Variants in AGBL1 observed in about 807,000 individuals in gnomAD.
AGBL1 encodes the protein cytosolic carboxypeptidase 4.
A neutral mutation model predicts 118.9 loss-of-function variants in AGBL1; 130 were observed. The observed-to-expected ratio is 1.09, with a 90% CI of 0.95 to 1.26. The LOEUF (loss-of-function observed/expected upper bound fraction) is 1.26. Ranked by LOEUF, AGBL1 falls within the 50% of genes most tolerant of loss-of-function variation. The pLI is 0.00. For synonymous variants in AGBL1, 555 were observed against 478.9 expected (o/e 1.16, Z -2.08); for missense variants, 1,584 against 1,298.1 (o/e 1.22, Z -3.38).
chr15:86,469,114 A>C lies in AGBL1; in HGVS notation c.2556-53696A>C, dbSNP rs2082444378. Among the ~76,000 whole-genome samples the C allele has an allele frequency of 2.0e-5, 3 of 152,094 alleles. No homozygotes were observed. The South Asian group carries it at 6.2e-4, about 32-fold the overall frequency. On this transcript the variant is annotated intron_variant, in intron 18 of 22. Coordinates refer to ENST00000614907, the MANE Select transcript of AGBL1 (RefSeq NM_001386094.1). ...AGAATATTCAAGATCTCTGATAGCA[A>C]TTTTCAAGTATAAAATACATTATTA...
At chr15:86,241,961 T>C (rs1440904843) in intron 6 of AGBL1, among the ~76,000 whole-genome samples, 1 of 152,140 alleles carries the variant, frequency 6.6e-6, no homozygotes, top group Admixed American at 6.5e-5. Flanking sequence ...AGGGACCCAG[T>C]GGGAGGTAGT....
rs189436475 is a variant in AGBL1 at position 86,290,812 on chromosome 15, G to T, written c.2221-4443G>T. ...CCATTAACTCGTCATTTAGCATTAG[G>T]TATATCTCCTAATGCCATCCCTCCC... On this transcript the variant is annotated intron_variant, in intron 16 of 22. Transcript: ENST00000614907. Among the ~76,000 whole-genome samples the T allele has an allele frequency of 5.1e-3, 775 of 151,860 alleles. 14 individuals carry two copies. The highest frequency in any genetic ancestry group is 3.4e-3 in the Middle Eastern group (1 of 294).
chr15:86,797,142 T>A (rs1038570613), intron 22 of AGBL1, among the ~76,000 whole-genome samples: 7 of 152,234 alleles, frequency 4.6e-5, no homozygotes, highest in Non-Finnish European at 8.8e-5. Flanking sequence ...CATGGGATAT[T>A]TGTAGCACCT....
intron 22 of AGBL1, among the ~76,000 whole-genome samples, chr15:86,894,755 T>C (rs2080098809): frequency 6.6e-6 from 1 of 152,086 alleles, no homozygotes; most frequent in South Asian, 2.1e-4. Flanking sequence ...TTAAACAAAA[T>C]AGAAGTATCT....
At chr15:86,521,436 C>T (rs1002835738) in intron 18 of AGBL1, among the ~76,000 whole-genome samples, 5 of 151,998 alleles carry the variant, frequency 3.3e-5, no homozygotes, top group Non-Finnish European at 7.4e-5. Flanking sequence ...CTGTCCCTGC[C>T]CCCAGGAGGC....
At chr15:86,582,875 G>A (rs528876329) in intron 21 of AGBL1, among the ~76,000 whole-genome samples, 4 of 140,902 alleles carry the variant, frequency 2.8e-5, no homozygotes, top group East Asian at 4.7e-4. Flanking sequence ...GTTGGGGGAG[G>A]GGGGAGGGAT....
At chr15:86,304,327 T>C (rs2079803187) in intron 17 of AGBL1, among the ~76,000 whole-genome samples, 1 of 152,142 alleles carries the variant, frequency 6.6e-6, no homozygotes, top group Admixed American at 6.5e-5. Context: ...CAACACTTTT[T>C]CTCCATAGCT....
intron 17 of AGBL1, among the ~76,000 whole-genome samples, chr15:86,364,342 A>T (rs2080847865): frequency 6.6e-6 from 1 of 152,214 alleles, no homozygotes; most frequent in Admixed American, 6.5e-5. Context: ...TGAAGTAGGT[A>T]CTGTTATTAT....
chr15:86,736,794 G>A (rs1296896906), intron 22 of AGBL1, among the ~76,000 whole-genome samples: 1 of 152,162 alleles, frequency 6.6e-6, no homozygotes, highest in Non-Finnish European at 1.5e-5. Flanking sequence ...TTTTAGACAT[G>A]CTTATGAGGG....
At chr15:86,473,780 G>C (rs1294354152) in intron 18 of AGBL1, among the ~76,000 whole-genome samples, 2 of 152,096 alleles carry the variant, frequency 1.3e-5, no homozygotes, top group Non-Finnish European at 2.9e-5. Flanking sequence ...GTGTTGCACT[G>C]TTGCCAACGT....
At chr15:86,096,459 A>T (rs1452516240) in intron 1 of AGBL1, among the ~76,000 whole-genome samples, 2 of 152,080 alleles carry the variant, frequency 1.3e-5, no homozygotes, top group South Asian at 4.1e-4. Context: ...TAGATCATAT[A>T]CTCTCAGTAG....
chr15:86,411,503 G>A (rs999126872), intron 18 of AGBL1, among the ~76,000 whole-genome samples: 5 of 152,122 alleles, frequency 3.3e-5, no homozygotes, highest in Non-Finnish European at 7.4e-5. Flanking sequence ...TCCCCACCGC[G>A]ATTTACAGGT....
chr15:86,909,215 G>A lies in AGBL1; in HGVS notation c.*1921G>A, dbSNP rs1472865051. The A allele has an allele frequency of 6.6e-6, 1 of 152,238 alleles. No homozygotes were observed. Among genetic ancestry groups the A allele is most frequent in the African/African-American group, 2.4e-5 (1 of 41,450 alleles). 9.4% of individuals were successfully genotyped at this position (152,238 alleles called of 1,614,324 possible). A position where few individuals can be genotyped will look rare whatever the true frequency, so the allele number is the denominator to read the frequency against. On this transcript the variant is annotated 3_prime_UTR_variant, in exon 23 of 23. Transcript: ENST00000614907. ...GTTAGAAAACATAGTCTTTATTTGA[G>A]GTGGGCCCAGCTAAAATTTGAAGTT...
chr15:86,697,346 C>CCAG (rs1213983608), intron 22 of AGBL1, among the ~76,000 whole-genome samples: 1 of 151,734 alleles, frequency 6.6e-6, no homozygotes, highest in Non-Finnish European at 1.5e-5. Context: ...ACCTTGTCTT[C>CCAG]CAGCTCTGAA....
chr15:86,445,927 A>G (rs2082115127), intron 18 of AGBL1, among the ~76,000 whole-genome samples: 1 of 152,224 alleles, frequency 6.6e-6, no homozygotes, highest in African/African-American at 2.4e-5. Flanking sequence ...CTGTTGTGTG[A>G]TAAATGACAC....
intron 22 of AGBL1, among the ~76,000 whole-genome samples, chr15:86,772,782 G>C (rs2078199803): frequency 6.6e-6 from 1 of 152,076 alleles, no homozygotes; most frequent in Admixed American, 6.6e-5. Flanking sequence ...GATAGCTGCT[G>C]ATACGTACAA....
At position 86,269,650 on chromosome 15, in the gene AGBL1, T is replaced by C. The variant is rs563714466; in HGVS notation, c.1839-269T>C. ...GTACCCCATAAATAAATACAACTAT[T>C]GTGTATCCATAATAGTTTAAAAAAA... On this transcript the variant is annotated intron_variant, in intron 13 of 22. Transcript: ENST00000614907. 9.8e-5 allele frequency among the ~76,000 whole-genome samples: 15 copies of C among 152,316 alleles called. No homozygotes were observed. The East Asian group carries it at 2.7e-3, about 27-fold the overall frequency.
intron 18 of AGBL1, among the ~76,000 whole-genome samples, chr15:86,428,437 C>A (rs181719623): frequency 6.6e-6 from 1 of 152,176 alleles, no homozygotes; most frequent in Non-Finnish European, 1.5e-5. Flanking sequence ...TATTTTCCCC[C>A]GTCTTTTTTT....
At chr15:86,084,524 A>G (rs1388584217) in intron 1 of AGBL1, among the ~76,000 whole-genome samples, 1 of 152,226 alleles carries the variant, frequency 6.6e-6, no homozygotes, top group Non-Finnish European at 1.5e-5. Flanking sequence ...GAGATAAGAG[A>G]TGTGAGGCAG....
Sources: allele counts gnomAD v4.1 joint callset (sites outside exome capture counted in the v4.1 genomes callset), GRCh38; gene constraint gnomAD v4.1.1; transcripts MANE v1.5; gene names NCBI Gene and HGNC (gene_info 2026-07-23, HGNC 2026-07-21).